ZNF688: variants seen among roughly 807,000 people sequenced by gnomAD.
ZNF688 encodes the protein zinc finger protein 688.
A neutral mutation model predicts 13.2 loss-of-function variants in ZNF688; 10 were observed. The observed-to-expected ratio is 0.76, with a 90% CI of 0.47 to 1.28. The LOEUF (loss-of-function observed/expected upper bound fraction) is 1.28, where lower values mean the gene tolerates loss of function less well. Among genes scored for constraint, ZNF688 ranks in the 50% most tolerant of loss-of-function variants. The pLI is 0.00. For synonymous variants in ZNF688, 160 were observed against 159.4 expected (o/e 1.00, Z -0.03); for missense variants, 381 against 391.4 (o/e 0.97, Z 0.22).
At chr16:30,575,659 T>C (rs1251880863), upstream of ZNF688, among the ~76,000 whole-genome samples, 3 of 152,010 alleles carry the variant, frequency 2.0e-5, no homozygotes, top group African/African-American at 7.2e-5. Context: ...CTCTTTTTTT[T>C]TCTTTTTTTT....
chr16:30,570,686 G>A (rs2051660914), intron 2 of ZNF688: 3 of 428,628 alleles, frequency 7.0e-6, no homozygotes, highest in East Asian at 7.0e-5. Context: ...GTAGATGCAT[G>A]TTAAGCACTT....
chr16:30,577,112 G>C (rs540868175), upstream of ZNF688, among the ~76,000 whole-genome samples: 1 of 152,210 alleles, frequency 6.6e-6, no homozygotes, highest in South Asian at 2.1e-4. Context: ...ACCCAGGTTG[G>C]GGTGCAGTGG....
chr16:30,570,420 C>A lies in ZNF688; in HGVS notation c.327G>T (p.Arg109Ser), dbSNP rs2051656851. 1.9e-6 allele frequency: 3 copies of A among 1,611,882 alleles called. No homozygotes were observed. Among genetic ancestry groups the A allele is most frequent in the Non-Finnish European group, 2.5e-6 (3 of 1,179,320 alleles). The change falls in exon 3 of 3, where the codon AGG (arginine) becomes AGT (serine). Residue 109 changes from arginine to serine, a missense_variant. By Grantham distance (110) the Arg-to-Ser change is moderately radical. Transcript: ENST00000223459. ...GGARRGDVPN[R>S]KEEEPEEVPR... The stretch of plus-strand genomic sequence containing the variant: ...GGACTTCCTCCGGTTCCTCTTCCTT[C>A]CTGTTTGGGACATCTCCTGGGAAAC...
chr16:30,571,191 G>A lies in ZNF688; in HGVS notation c.197-68C>T, dbSNP rs771451075. The A allele has an allele frequency of 3.3e-6, 5 of 1,529,434 alleles. No homozygotes were observed. In the South Asian group the frequency reaches 6.2e-5, roughly 19 times the overall value. 94.7% of individuals were successfully genotyped at this position (1,529,434 alleles called of 1,614,324 possible). On this transcript the variant is annotated intron_variant, in intron 1 of 2. Coordinates refer to ENST00000223459, the MANE Select transcript of ZNF688 (RefSeq NM_145271.4). ...CGTGGGAAGATGGCATTCCCCTCCAGGCTGAGGGCACCCCCTCGGAGCTTA... is the reference window on the plus strand; with the variant it reads ...CGTGGGAAGATGGCATTCCCCTCCAAGCTGAGGGCACCCCCTCGGAGCTTA...
In ZNF688 at chr16:30,571,270, T is replaced by G. The variant is rs1185642964; in HGVS notation, c.197-147A>C. On this transcript the variant is annotated intron_variant, in intron 1 of 2. Transcript: ENST00000223459. ...GCTGCCTGAATGAAATGGATGCGGG[T>G]GAAAACACTCCCGAGGGGGTACCTG... 5 of 1,537,696 alleles carry G rather than the reference T, an allele frequency of 3.3e-6. No homozygotes were observed. In the Admixed American group the frequency reaches 9.9e-5, roughly 30 times the overall value.
chr16:30,579,004 T>C, the ZNF688 span: 1 of 151,490 alleles, frequency 6.6e-6, no homozygotes, highest in Non-Finnish European at 1.5e-5. Context: ...TTTTCCAGGC[T>C]CGTCTCAAAC....
Position 30,570,254 on chromosome 16 carries a change from C to A in ZNF688, c.493G>T (p.Ala165Ser). 2 of 1,613,720 alleles carry A rather than the reference C, an allele frequency of 1.2e-6. No individual in the cohort carries two copies. Among genetic ancestry groups the A allele is most frequent in the Non-Finnish European group, 1.7e-6 (2 of 1,179,912 alleles). The part of the protein sequence containing the change: ...KNAAWDPTTG[A>S]QPPAPIPSMD... ...CTGGGTATGGGTGCCGGGGGCTGTG[C>A]TCCTGTGGTCGGGTCCCAGGCAGCA... The change falls in exon 3 of 3, where the codon GCA becomes TCA. Residue 165 changes from alanine to serine, a missense_variant. Ala to Ser is a moderately conservative substitution (Grantham distance 99). Transcript: ENST00000223459.
Position 30,570,161 on chromosome 16 carries a change from AG to A in ZNF688, c.585del (p.Ser196HisfsTer141). On this transcript the variant is annotated frameshift_variant, in exon 3 of 3. Coordinates refer to ENST00000223459, the MANE Select transcript of ZNF688 (RefSeq NM_145271.4). LOFTEE classifies it high-confidence loss of function. ...ATGCGCCTGTGGCTGACCAGCAGTG[AG>A]GGGTAGGTGAAGCGGCGGCCGCAGT... is the stretch of plus-strand genomic sequence containing the variant. ...CTDCGRRFTY[P>X]SLLVSHRRMH... 6.2e-7 allele frequency: 1 copy of A among 1,611,010 alleles called. No individual in the cohort carries two copies. Among genetic ancestry groups the A allele is most frequent in the African/African-American group, 1.3e-5 (1 of 74,996 alleles).
In ZNF688 at chr16:30,569,742, T is replaced by C. The variant is rs2051641086; in HGVS notation, c.*174A>G. 2 of 328,448 alleles carry C rather than the reference T, an allele frequency of 6.1e-6. No homozygotes were observed. Among genetic ancestry groups the C allele is most frequent in the Admixed American group, 5.6e-5 (1 of 17,924 alleles). The allele number at this position is 328,448 out of a possible 1,614,324, so 20.3% of individuals were successfully genotyped here. Reference sequence around the variant, plus strand: ...CTGGGGAGATGGGTGGCAAGTCTAATCTATTCGAATCTTTACAGGCACTTT... The same window carrying C: ...CTGGGGAGATGGGTGGCAAGTCTAACCTATTCGAATCTTTACAGGCACTTT... On this transcript the variant is annotated 3_prime_UTR_variant, in exon 3 of 3. Coordinates refer to ENST00000223459, the MANE Select transcript of ZNF688 (RefSeq NM_145271.4).
Position 30,570,148 on chromosome 16 carries a change from C to G in ZNF688, c.599G>C (p.Ser200Thr), listed in dbSNP as rs755574792. ...RRFTYPSLLV[S>T]HRRMHSGERP... ...CTCCCCCGAGTGCATGCGCCTGTGG[C>G]TGACCAGCAGTGAGGGGTAGGTGAA... The change falls in exon 3 of 3, where the codon AGC (serine) becomes ACC (threonine). Residue 200 changes from serine (S) to threonine (T), a missense_variant. By Grantham distance (58) the Ser-to-Thr change is moderately conservative (BLOSUM62 1). Transcript: ENST00000223459. 2 of 1,610,978 alleles carry G rather than the reference C, an allele frequency of 1.2e-6. No homozygotes were observed. Among genetic ancestry groups the G allele is most frequent in the Non-Finnish European group, 1.7e-6 (2 of 1,178,356 alleles).
upstream of ZNF688, among the ~76,000 whole-genome samples, chr16:30,576,432 G>A (rs1195407274): frequency 1.3e-5 from 2 of 151,978 alleles, no homozygotes; most frequent in Admixed American, 1.3e-4. Flanking sequence ...GGATGATCTC[G>A]ATCTCCTGAC....
chr16:30,575,158 C>T, upstream of ZNF688, among the ~76,000 whole-genome samples: 1 of 152,108 alleles, frequency 6.6e-6, no homozygotes, highest in East Asian at 1.9e-4. Flanking sequence ...CTACAGTAAA[C>T]ACGGAGATGC....
At chr16:30,571,935 T>TA, upstream of ZNF688, 1 of 1,289,390 alleles carries the variant, frequency 7.8e-7, no homozygotes, top group Non-Finnish European at 9.8e-7. Flanking sequence ...AGGCTGCTCT[T>TA]AAGGGCGCCA....
the ZNF688 span, chr16:30,578,878 G>A: frequency 6.8e-6 from 1 of 146,394 alleles, no homozygotes; most frequent in East Asian, 2.0e-4. Flanking sequence ...CTGAAGTGGC[G>A]CCATCATAGC....
intron 2 of ZNF688, chr16:30,570,761 A>ATTTATT (rs200429164): frequency 8.6e-6 from 3 of 349,006 alleles, no homozygotes; most frequent in Non-Finnish European, 1.5e-5. Flanking sequence ...TTATTTATTT[A>ATTTATT]TTTATTTTTG....
At position 30,571,501 on chromosome 16, in the gene ZNF688, C is replaced by T. The variant is rs1325084172; in HGVS notation, c.129G>A (p.Leu43=). The change falls in exon 1 of 3, where the codon CTG becomes CTA. Residue 43 remains leucine, a synonymous_variant. Transcript: ENST00000223459. ...VYFSPEEWGC[L]RPAQRALYRD... ...GGTACAGAGCCCTCTGCGCGGGCCG[C>T]AGACAGCCCCACTCCTCCGGGGAGA... 1 of 1,589,996 alleles carries T rather than the reference C, an allele frequency of 6.3e-7. No individual in the cohort carries two copies. Among genetic ancestry groups the T allele is most frequent in the South Asian group, 1.1e-5 (1 of 87,360 alleles).
In ZNF688 at chr16:30,571,500, G is replaced by T; in HGVS notation, c.130C>A (p.Arg44=). The change falls in exon 1 of 3, where the codon CGG becomes AGG. Residue 44 remains arginine (R), a synonymous_variant. Coordinates refer to ENST00000223459, the MANE Select transcript of ZNF688 (RefSeq NM_145271.4). ...CGGTACAGAGCCCTCTGCGCGGGCC[G>T]CAGACAGCCCCACTCCTCCGGGGAG... ...YFSPEEWGCL[R]PAQRALYRDV... The T allele has an allele frequency of 6.3e-7, 1 of 1,589,936 alleles. No individual in the cohort carries two copies. Among genetic ancestry groups the T allele is most frequent in the South Asian group, 1.1e-5 (1 of 87,398 alleles).
chr16:30,577,872 G>A, the ZNF688 span, among the ~76,000 whole-genome samples: 1 of 151,756 alleles, frequency 6.6e-6, no homozygotes, highest in Non-Finnish European at 1.5e-5. Context: ...GTTTTGCCAT[G>A]TTGGCCAGGC....
upstream of ZNF688, among the ~76,000 whole-genome samples, chr16:30,575,477 C>T (rs959683474): frequency 1.9e-4 from 29 of 152,048 alleles, no homozygotes; most frequent in South Asian, 4.1e-4. Context: ...AACTTCTGAC[C>T]TCTGGTGATC....
Sources: gnomAD v4.1 joint callset for allele counts (sites outside exome capture counted in the v4.1 genomes callset) on GRCh38, gnomAD v4.1.1 for gene constraint, MANE v1.5 for transcripts, NCBI Gene and HGNC (gene_info 2026-07-23, HGNC 2026-07-21) for gene names.